Variants in GTF2A1L observed in about 807,000 individuals in gnomAD.
The protein encoded by GTF2A1L is general transcription factor IIA subunit 1 like, also known as TFIIA-alpha and beta-like factor.
Under a neutral mutation model 49.7 loss-of-function variants are expected in GTF2A1L, and 48 were observed. The ratio of observed to expected loss-of-function variants is 0.97; its 90% confidence interval spans 0.77 to 1.23. The LOEUF (loss-of-function observed/expected upper bound fraction) is 1.23. GTF2A1L is among the 50% of genes most tolerant of loss of function. GTF2A1L has a pLI of 0.00. For missense variants in GTF2A1L, 736 were observed against 564.8 expected (o/e 1.30, Z -3.07); for synonymous variants, 246 against 193.5 (o/e 1.27, Z -2.25).
At chr2:48,664,103 AT>A (rs1408981402) in intron 6 of GTF2A1L, among the ~76,000 whole-genome samples, 3 of 152,068 alleles carry the variant, frequency 2.0e-5, no homozygotes, top group African/African-American at 4.8e-5. Context: ...ATAAAAAAAA[AT>A]ATTTCTTCCC....
chr2:48,630,192 G>A (rs1352258367), intron 3 of GTF2A1L, among the ~76,000 whole-genome samples: 1 of 143,388 alleles, frequency 7.0e-6, no homozygotes, highest in African/African-American at 2.5e-5. Flanking sequence ...CATTGAATCT[G>A]TAGATTTCTT....
chr2:48,674,217 TAGC>T (rs1233489463), intron 8 of GTF2A1L, among the ~76,000 whole-genome samples: 1 of 152,192 alleles, frequency 6.6e-6, no homozygotes, highest in East Asian at 1.9e-4. Flanking sequence ...ACATTCTTAT[TAGC>T]AGTGTTCGAG....
intron 6 of GTF2A1L, among the ~76,000 whole-genome samples, chr2:48,661,077 T>C (rs1157932097): frequency 6.6e-6 from 1 of 152,098 alleles, no homozygotes; most frequent in Non-Finnish European, 1.5e-5. Flanking sequence ...TTCTGTGTTT[T>C]CTTTTTCTCT....
chr2:48,668,561 G>A (rs1215430730), intron 6 of GTF2A1L: 1 of 152,316 alleles, frequency 6.6e-6, no homozygotes, highest in Admixed American at 6.5e-5. Flanking sequence ...GTGAAGCGCA[G>A]TGACTTACGC....
chr2:48,622,015 A>G (rs1316098890), intron 3 of GTF2A1L, among the ~76,000 whole-genome samples: 2 of 152,222 alleles, frequency 1.3e-5, no homozygotes, highest in Non-Finnish European at 2.9e-5. Context: ...ACTCGCATAC[A>G]AACAAGTTTT....
chr2:48,617,856 A>T lies in GTF2A1L; in HGVS notation c.-19A>T, dbSNP rs183087993. ...GCGTGCCGCGCAGGCGCAAAGGGCC[A>T]GGTGCTGGAGGTGCTGTCATGGCCT... is the stretch of plus-strand genomic sequence containing the variant. On this transcript the variant is annotated 5_prime_UTR_variant, in exon 1 of 9. Transcript: ENST00000403751. The T allele has an allele frequency of 1.8e-3, 2,853 of 1,551,730 alleles. 43 individuals are homozygous for T. The African/African-American group carries it at 0.033, about 18-fold the overall frequency.
chr2:48,623,959 T>C (rs545695412), intron 3 of GTF2A1L, among the ~76,000 whole-genome samples: 58 of 152,300 alleles, frequency 3.8e-4, no homozygotes, highest in African/African-American at 1.3e-3. Flanking sequence ...AGGTACTATG[T>C]TCACTATTTG....
intron 6 of GTF2A1L, among the ~76,000 whole-genome samples, chr2:48,668,340 T>A (rs138871843): frequency 3.7e-4 from 56 of 152,278 alleles, no homozygotes; most frequent in African/African-American, 1.3e-3. Context: ...CATTATAGCA[T>A]CTGGAGCTTT....
At chr2:48,661,868 T>G (rs144602875) in intron 6 of GTF2A1L, among the ~76,000 whole-genome samples, 2,186 of 152,294 alleles carry the variant, frequency 0.014, 86 homozygotes, top group Admixed American at 0.083. Flanking sequence ...CTATGTCTTT[T>G]GATTGGGGAG....
chr2:48,646,989 G>C lies in GTF2A1L; in HGVS notation c.925G>C (p.Val309Leu), dbSNP rs761267058. 42 of 1,613,802 alleles carry C rather than the reference G, an allele frequency of 2.6e-5. No individual in the cohort carries two copies. In the Admixed American group the frequency reaches 5.0e-4, roughly 19 times the overall value. The change falls in exon 6 of 9, where the codon GTA becomes CTA. Residue 309 changes from valine to leucine, a missense_variant. Val to Leu is a conservative substitution (Grantham distance 32, BLOSUM62 1). Transcript: ENST00000403751. ...LKNRMYGCDS[V>L]KQPRNIEEPS... is the part of the protein sequence containing the mutation. ...AAATAGGATGTATGGATGTGATTCTGTAAAGCAACCAAGAAATATAGAGGA... is the reference window on the plus strand; with the variant it reads ...AAATAGGATGTATGGATGTGATTCTCTAAAGCAACCAAGAAATATAGAGGA...
intron 7 of GTF2A1L, among the ~76,000 whole-genome samples, chr2:48,670,300 A>C (rs1025625763): frequency 6.6e-6 from 1 of 152,140 alleles, no homozygotes; most frequent in African/African-American, 2.4e-5. Flanking sequence ...AGACTGAGGC[A>C]AAAGCATTGC....
intron 6 of GTF2A1L, among the ~76,000 whole-genome samples, chr2:48,654,536 C>T (rs888937150): frequency 1.3e-5 from 2 of 152,118 alleles, no homozygotes; most frequent in Non-Finnish European, 2.9e-5. Context: ...GTGCCCACCA[C>T]CATGCCTGGC....
At chr2:48,652,815 G>C (rs12994211) in intron 6 of GTF2A1L, among the ~76,000 whole-genome samples, 147,536 of 150,978 alleles carry the variant, frequency 0.98, 72,109 homozygotes, top group East Asian at 1. Context: ...CTGCCTCAGC[G>C]TCTCAAGTAG....
intron 8 of GTF2A1L, among the ~76,000 whole-genome samples, chr2:48,674,273 C>T (rs1293896951): frequency 6.6e-6 from 1 of 152,130 alleles, no homozygotes; most frequent in Non-Finnish European, 1.5e-5. Context: ...GGCCATAATC[C>T]GACTTTCTAA....
In GTF2A1L at chr2:48,645,081, C is replaced by T; in HGVS notation, c.352C>T (p.His118Tyr). The T allele has an allele frequency of 6.2e-7, 1 of 1,612,844 alleles. No individual in the cohort carries two copies. The highest frequency in any genetic ancestry group is 8.5e-7 in the Non-Finnish European group (1 of 1,179,534). Residue 118 changes from histidine to tyrosine, a missense_variant, in exon 5 of 9, where the codon CAT becomes TAT. Coordinates refer to ENST00000403751, the MANE Select transcript of GTF2A1L (RefSeq NM_006872.5). ...CTTTACTTTTCCTGGTTATCCCATT[C>T]ATGTACCAGCAGGTGTGACACTACA... ...ANFTFPGYPI[H>Y]VPAGVTLQTV...
At chr2:48,678,337 T>C (rs1679585326) in intron 8 of GTF2A1L, among the ~76,000 whole-genome samples, 1 of 152,018 alleles carries the variant, frequency 6.6e-6, no homozygotes, top group Non-Finnish European at 1.5e-5. Context: ...CAAGTGACTG[T>C]GCAAGACAAT....
chr2:48,644,861 A>G (rs1677408739), intron 4 of GTF2A1L, among the ~76,000 whole-genome samples, 172 bp from the exon 5 acceptor site: 1 of 152,158 alleles, frequency 6.6e-6, no homozygotes, highest in African/African-American at 2.4e-5. Context: ...CCTTAATGGG[A>G]TGATCGATAT....
At chr2:48,626,898 C>T (rs1021384511) in intron 3 of GTF2A1L, among the ~76,000 whole-genome samples, 1 of 144,108 alleles carries the variant, frequency 6.9e-6, no homozygotes, top group African/African-American at 2.5e-5. Context: ...TTTTAAGATG[C>T]TATTGTAAAT....
intron 8 of GTF2A1L, among the ~76,000 whole-genome samples, chr2:48,674,128 T>G (rs1462144959): frequency 6.6e-6 from 1 of 152,224 alleles, no homozygotes. Context: ...TGGCATATAC[T>G]CAGGAGTTGA....
Sources: allele counts gnomAD v4.1 joint callset (sites outside exome capture counted in the v4.1 genomes callset), GRCh38; gene constraint gnomAD v4.1.1; transcripts MANE v1.5; gene names NCBI Gene and HGNC (gene_info 2026-07-23, HGNC 2026-07-21).